Variants in INPP5A observed in about 807,000 individuals in gnomAD.
The protein encoded by INPP5A is inositol polyphosphate-5-phosphatase A.
Under a neutral mutation model 65.2 loss-of-function variants are expected in INPP5A, and 14 were observed. The observed-to-expected ratio is 0.21, with a 90% CI of 0.14 to 0.34. The LOEUF (loss-of-function observed/expected upper bound fraction) is 0.34, where lower values mean the gene tolerates loss of function less well. Among genes scored for constraint, INPP5A ranks in the 10% least tolerant of loss-of-function variants. The pLI is 1.00. For missense variants in INPP5A, 431 were observed against 545.6 expected (o/e 0.79, Z 2.09); for synonymous variants, 207 against 208.3 (o/e 0.99, Z 0.05).
In INPP5A at chr10:132,756,388, G is replaced by A. The variant is rs184225437; in HGVS notation, c.903+6543G>A. 2.8e-3 allele frequency among the ~76,000 whole-genome samples: 420 copies of A among 152,308 alleles called. 6 individuals are homozygous for A. The highest frequency in any genetic ancestry group is 8.5e-3 in the African/African-American group (355 of 41,564). ...TGTGCACTCGTGTGTGTGTATGTGTGCGTGTACTTGTATGCACTTGTGTGT... is the reference window on the plus strand; with the variant it reads ...TGTGCACTCGTGTGTGTGTATGTGTACGTGTACTTGTATGCACTTGTGTGT... On this transcript the variant is annotated intron_variant, in intron 11 of 15. Transcript: ENST00000368594.
intron 11 of INPP5A, among the ~76,000 whole-genome samples, chr10:132,764,009 C>G (rs186568422): frequency 6.6e-6 from 1 of 152,388 alleles, no homozygotes; most frequent in East Asian, 1.9e-4. Context: ...TAGGAGCTGA[C>G]TTGGGGCCCT....
chr10:132,695,239 G>A (rs1444390682), intron 5 of INPP5A, among the ~76,000 whole-genome samples: 1 of 151,848 alleles, frequency 6.6e-6, no homozygotes, highest in Non-Finnish European at 1.5e-5. Context: ...GCAAAAGAAG[G>A]AAAATCACAT....
rs771990125 is a variant in INPP5A, at chr10:132,707,071, T to A, written c.475-1242T>A. On this transcript the variant is annotated intron_variant, in intron 6 of 15. Coordinates refer to ENST00000368594, the MANE Select transcript of INPP5A (RefSeq NM_005539.5). This position sits in a 1 kb window ranked among gnomAD's most constrained non-coding sequence, Gnocchi z 5.5. Reference sequence around the variant, plus strand: ...TGATCACTGCGCTCTCCGTGTTAGATAGAGGGAGCACGCCACGCTGGACCC... The same window carrying A: ...TGATCACTGCGCTCTCCGTGTTAGAAAGAGGGAGCACGCCACGCTGGACCC... 6.6e-6 allele frequency among the ~76,000 whole-genome samples: 1 copy of A among 152,174 alleles called. No individual in the cohort carries two copies. Among genetic ancestry groups the A allele is most frequent in the African/African-American group, 2.4e-5 (1 of 41,438 alleles).
chr10:132,624,791 C>T (rs2072158249), intron 2 of INPP5A, among the ~76,000 whole-genome samples: 1 of 152,176 alleles, frequency 6.6e-6, no homozygotes, highest in South Asian at 2.1e-4. Context: ...AGAGGGGCTT[C>T]TCCGTCCTCT....
intron 1 of INPP5A, among the ~76,000 whole-genome samples, chr10:132,600,594 C>T (rs574794851): frequency 3.3e-5 from 5 of 152,332 alleles, no homozygotes; most frequent in East Asian, 1.9e-4. Flanking sequence ...TCCACATATT[C>T]GGGTATCTTT....
At position 132,678,996 on chromosome 10, in the gene INPP5A, G is replaced by A. The variant is rs1308751166; in HGVS notation, c.307-11396G>A. ...CTGTCAGCTGGGTGTGTGAGGGCCA[G>A]AGGACAGCTGGGGTGGCCACTGTGC... On this transcript the variant is annotated intron_variant, in intron 4 of 15. Coordinates refer to ENST00000368594, the MANE Select transcript of INPP5A (RefSeq NM_005539.5). This position sits in a 1 kb window ranked among gnomAD's most constrained non-coding sequence, Gnocchi z 4.1. Among the ~76,000 whole-genome samples, 1 of 152,240 alleles carries A rather than the reference G, an allele frequency of 6.6e-6. No homozygotes were observed. The highest frequency in any genetic ancestry group is 2.4e-5 in the African/African-American group (1 of 41,458).
intron 9 of INPP5A, among the ~76,000 whole-genome samples, chr10:132,738,800 C>T (rs1021587616): frequency 6.6e-6 from 1 of 152,222 alleles, no homozygotes; most frequent in Non-Finnish European, 1.5e-5. Context: ...CACTCGGATG[C>T]TGACGCCAAC....
At position 132,631,063 on chromosome 10, in the gene INPP5A, G is replaced by A. The variant is rs775665925; in HGVS notation, c.118-14805G>A. On this transcript the variant is annotated intron_variant, in intron 2 of 15. Coordinates refer to ENST00000368594, the MANE Select transcript of INPP5A (RefSeq NM_005539.5). The stretch of plus-strand genomic sequence containing the variant: ...GGCTGTGCTTGGGTGGGGCCTGCTG[G>A]GTCCCACACCCCTCCCCATGGTGGC... 1.8e-4 allele frequency among the ~76,000 whole-genome samples: 28 copies of A among 152,276 alleles called. No individual in the cohort carries two copies. In the Middle Eastern group the frequency reaches 0.01, roughly 55 times the overall value.
rs757624441 is a variant in INPP5A, at chr10:132,645,455, C to T, written c.118-413C>T. ...ACGTGCTCCCGCACACGTATGCACA[C>T]GTGTGCACCCTTGCTGGGGTTGTGC... is the stretch of plus-strand genomic sequence containing the variant. On this transcript the variant is annotated intron_variant, in intron 2 of 15. Transcript: ENST00000368594. 5.3e-5 allele frequency among the ~76,000 whole-genome samples: 8 copies of T among 152,310 alleles called. No individual in the cohort carries two copies. The South Asian group carries it at 6.2e-4, about 12-fold the overall frequency.
chr10:132,667,790 C>T (rs771353415), intron 4 of INPP5A, among the ~76,000 whole-genome samples: 8 of 151,860 alleles, frequency 5.3e-5, no homozygotes, highest in Non-Finnish European at 8.8e-5. Context: ...CGCTGCCCGG[C>T]GCGAGCCGGA....
chr10:132,618,402 A>G (rs1232368045), intron 2 of INPP5A, among the ~76,000 whole-genome samples: 1 of 152,226 alleles, frequency 6.6e-6, no homozygotes, highest in Non-Finnish European at 1.5e-5. Flanking sequence ...TCAGCTTTTA[A>G]ACTCACAGAG....
At chr10:132,776,338 C>T (rs867381180) in intron 12 of INPP5A, among the ~76,000 whole-genome samples, 14 of 151,958 alleles carry the variant, frequency 9.2e-5, no homozygotes, top group African/African-American at 3.4e-4. Flanking sequence ...GCTCCTGCGT[C>T]AGGGCAGAGC....
At chr10:132,607,674 C>T (rs560916958) in intron 1 of INPP5A, among the ~76,000 whole-genome samples, 70 of 152,254 alleles carry the variant, frequency 4.6e-4, no homozygotes, top group Admixed American at 1.6e-3. Flanking sequence ...CCCGAGCTTT[C>T]CTGAGACAGA....
intron 9 of INPP5A, among the ~76,000 whole-genome samples, chr10:132,749,185 TC>T (rs925379523): frequency 2.0e-5 from 3 of 152,236 alleles, no homozygotes; most frequent in Non-Finnish European, 4.4e-5. Context: ...GCAGGCACCC[TC>T]TTTGCTGTTC....
At chr10:132,595,877 C>T (rs1363175318) in intron 1 of INPP5A, among the ~76,000 whole-genome samples, 1 of 150,378 alleles carries the variant, frequency 6.6e-6, no homozygotes, top group Non-Finnish European at 1.5e-5. Context: ...TAGAGTTCCA[C>T]ATTTGAAAGT....
At position 132,588,080 on chromosome 10, in the gene INPP5A, A is replaced by G. The variant is rs1159407228; in HGVS notation, c.76-19835A>G. ...TAAGTTGTCATTTTAAATAGATTCTAGGGTATGCAGCCCTTTTCCCAGTGG... is the reference window on the plus strand; with the variant it reads ...TAAGTTGTCATTTTAAATAGATTCTGGGGTATGCAGCCCTTTTCCCAGTGG... On this transcript the variant is annotated intron_variant, in intron 1 of 15. Transcript: ENST00000368594. Among the ~76,000 whole-genome samples, 4 of 151,630 alleles carry G rather than the reference A, an allele frequency of 2.6e-5. No individual in the cohort carries two copies. In the East Asian group the frequency reaches 7.8e-4, roughly 30 times the overall value.
At chr10:132,744,643 C>G (rs1266550342) in intron 9 of INPP5A, among the ~76,000 whole-genome samples, 2 of 152,178 alleles carry the variant, frequency 1.3e-5, no homozygotes, top group African/African-American at 4.8e-5. Flanking sequence ...TGTGGTGTTT[C>G]TAGATTCGGG....
At chr10:132,552,260 T>G (rs541263651) in intron 1 of INPP5A, among the ~76,000 whole-genome samples, 1 of 137,466 alleles carries the variant, frequency 7.3e-6, no homozygotes, top group Non-Finnish European at 1.6e-5. Flanking sequence ...AGAGCCTTGG[T>G]GGCATATTGA....
At chr10:132,712,229 GTGCACACCTT>G (rs1157615283) in intron 8 of INPP5A, among the ~76,000 whole-genome samples, 4 of 152,168 alleles carry the variant, frequency 2.6e-5, no homozygotes. Context: ...ATGCCTGAGT[GTGCACACCTT>G]GTGTGCATGC....
Sources: gnomAD v4.1 joint callset for allele counts (sites outside exome capture counted in the v4.1 genomes callset) on GRCh38, gnomAD v4.1.1 for gene constraint, Gnocchi (gnomAD v3.1) non-coding constraint, MANE v1.5 for transcripts, NCBI Gene and HGNC (gene_info 2026-07-23, HGNC 2026-07-21) for gene names.